Variants in CALN1 observed in about 807,000 individuals in gnomAD.
CALN1 encodes the protein calneuron 1, also known as calcium-binding protein 8.
In CALN1, 17 loss-of-function variants were observed where a neutral mutation model predicts 30.6. The observed-to-expected ratio is 0.56, with a 90% CI of 0.38 to 0.83. The LOEUF (loss-of-function observed/expected upper bound fraction) is 0.83, where lower values mean the gene tolerates loss of function less well. Ranked by LOEUF, CALN1 falls within the 40% of genes least tolerant of loss-of-function variation. CALN1 has a pLI of 0.00. For synonymous variants in CALN1, 156 were observed against 131.4 expected (o/e 1.19, Z -1.28); for missense variants, 291 against 354.9 (o/e 0.82, Z 1.45).
At chr7:72,403,136 T>C in intron 2 of CALN1, 115 bp downstream of exon 2, 1 of 695,256 alleles carries the variant, frequency 1.4e-6, no homozygotes, top group South Asian at 2.0e-5. Flanking sequence ...TTTCATAGAT[T>C]CTCCTCTCCA....
At chr7:71,806,295 G>C (rs1195900353) in intron 6 of CALN1, among the ~76,000 whole-genome samples, 1 of 101,794 alleles carries the variant, frequency 9.8e-6, no homozygotes, top group East Asian at 8.9e-4. Context: ...CATGATTATA[G>C]TTTCCCCCTC....
intron 5 of CALN1, among the ~76,000 whole-genome samples, chr7:71,884,554 C>A (rs979777196): frequency 6.7e-6 from 1 of 149,476 alleles, no homozygotes; most frequent in Non-Finnish European, 1.5e-5. Flanking sequence ...ATGGTTTACA[C>A]TGGGAACAGT....
intron 5 of CALN1, among the ~76,000 whole-genome samples, chr7:71,886,443 G>A (rs1477679510): frequency 6.6e-6 from 1 of 152,206 alleles, no homozygotes; most frequent in Non-Finnish European, 1.5e-5. Flanking sequence ...AGCTTCATGT[G>A]CTCTTTCATT....
chr7:72,132,721 T>C (rs947377637), intron 3 of CALN1, among the ~76,000 whole-genome samples: 2 of 152,164 alleles, frequency 1.3e-5, no homozygotes, highest in African/African-American at 2.4e-5. Flanking sequence ...TCTGACAATA[T>C]TGTATGTCCC....
At chr7:72,412,360 G>C (rs1205779552), upstream of CALN1, 2 of 152,172 alleles carry the variant, frequency 1.3e-5, no homozygotes, top group African/African-American at 4.8e-5. Flanking sequence ...CGGGGAGCCA[G>C]CTTTTATTCT....
At chr7:71,823,833 T>C (rs1380846314) in intron 5 of CALN1, among the ~76,000 whole-genome samples, 3 of 152,140 alleles carry the variant, frequency 2.0e-5, no homozygotes, top group African/African-American at 7.2e-5. Flanking sequence ...CTCACAATCG[T>C]GGCAGAAGAC....
At chr7:72,127,834 A>C (rs1015548692) in intron 3 of CALN1, among the ~76,000 whole-genome samples, 1 of 152,252 alleles carries the variant, frequency 6.6e-6, no homozygotes, top group Non-Finnish European at 1.5e-5. Flanking sequence ...TATTCAGAGC[A>C]AATCTTAAAT....
At chr7:71,857,306 A>T (rs1224112966) in intron 5 of CALN1, among the ~76,000 whole-genome samples, 1 of 152,164 alleles carries the variant, frequency 6.6e-6, no homozygotes. Flanking sequence ...AGAAAGCTTC[A>T]TTCTGCATCT....
At chr7:72,260,970 C>T (rs1796232056) in intron 3 of CALN1, among the ~76,000 whole-genome samples, 1 of 152,120 alleles carries the variant, frequency 6.6e-6, no homozygotes, top group Non-Finnish European at 1.5e-5. Flanking sequence ...TGGATACGAG[C>T]AGAGTAACAG....
intron 5 of CALN1, among the ~76,000 whole-genome samples, chr7:71,841,339 G>T (rs935572960): frequency 1.4e-4 from 21 of 152,208 alleles, no homozygotes; most frequent in Admixed American, 7.9e-4. Context: ...GTGGCAGGAA[G>T]GAGCCTGCAT....
chr7:71,878,775 A>G (rs1792399623), intron 5 of CALN1, among the ~76,000 whole-genome samples: 1 of 152,194 alleles, frequency 6.6e-6, no homozygotes, highest in Non-Finnish European at 1.5e-5. Context: ...AATAGTAATG[A>G]TTACAACTGT....
intron 5 of CALN1, among the ~76,000 whole-genome samples, chr7:71,936,824 C>T (rs1052795680): frequency 2.6e-5 from 4 of 152,104 alleles, no homozygotes; most frequent in Admixed American, 6.5e-5. Context: ...ACAATTTGAA[C>T]CATGGAGGCA....
intron 3 of CALN1, among the ~76,000 whole-genome samples, chr7:72,143,406 T>A (rs993842238): frequency 2.6e-5 from 4 of 152,142 alleles, no homozygotes; most frequent in African/African-American, 9.6e-5. Context: ...GAAATGAAGC[T>A]AGAAGAGAAC....
intron 3 of CALN1, among the ~76,000 whole-genome samples, chr7:72,241,273 G>C (rs892802452): frequency 5.9e-5 from 9 of 152,208 alleles, no homozygotes; most frequent in African/African-American, 2.2e-4. Flanking sequence ...GGGGAAGGGA[G>C]AGTCGTTTCT....
In CALN1 at chr7:71,977,299, G is replaced by A. The variant is rs1279916862; in HGVS notation, c.501+46358C>T. On this transcript the variant is annotated intron_variant, in intron 5 of 6. Coordinates refer to ENST00000395275, the MANE Select transcript of CALN1 (RefSeq NM_031468.4). ...AAAGAAAAAAATCAGCTGGCACAGC[G>A]GCATGCACCTGTATAGTCCCAGGAA... 3.9e-5 allele frequency among the ~76,000 whole-genome samples: 6 copies of A among 152,128 alleles called. No homozygotes were observed. In the East Asian group the frequency reaches 7.7e-4, roughly 20 times the overall value.
intron 3 of CALN1, among the ~76,000 whole-genome samples, chr7:72,160,688 T>C (rs1788043401): frequency 6.6e-6 from 1 of 152,204 alleles, no homozygotes; most frequent in African/African-American, 2.4e-5. Flanking sequence ...AGTGGGTTCA[T>C]GAATTCAAAG....
intron 5 of CALN1, among the ~76,000 whole-genome samples, chr7:71,949,778 T>G (rs1381753288): frequency 5.3e-5 from 8 of 151,986 alleles, no homozygotes; most frequent in African/African-American, 1.9e-4. Flanking sequence ...TCTTTTTTTT[T>G]TGAGATGGAG....
At chr7:72,028,244 C>T (rs935118176) in intron 4 of CALN1, among the ~76,000 whole-genome samples, 16 of 150,754 alleles carry the variant, frequency 1.1e-4, no homozygotes, top group African/African-American at 3.7e-4. Flanking sequence ...AACAGTGCAC[C>T]TTCAAGGTAG....
Position 71,782,234 on chromosome 7 carries a change from C to G in CALN1, c.*5541G>C, listed in dbSNP as rs1042186766. ...ATAGGGACAGATTCCTCATGAATGA[C>G]TCGGTGCCCTCCCTGTAGTAATGAG... On this transcript the variant is annotated 3_prime_UTR_variant, in exon 7 of 7. Transcript: ENST00000395275. 4 of 152,180 alleles carry G rather than the reference C, an allele frequency of 2.6e-5. No homozygotes were observed. The highest frequency in any genetic ancestry group is 6.5e-5 in the Admixed American group (1 of 15,282). 9.4% of individuals were successfully genotyped at this position (152,180 alleles called of 1,614,324 possible).
Sources: allele counts gnomAD v4.1 joint callset (sites outside exome capture counted in the v4.1 genomes callset), GRCh38; gene constraint gnomAD v4.1.1; transcripts MANE v1.5; gene names NCBI Gene and HGNC (gene_info 2026-07-23, HGNC 2026-07-21).